ACYP2: variants seen among roughly 807,000 people sequenced by gnomAD.
ACYP2 encodes the protein acylphosphatase-2.
Under a neutral mutation model 11.2 loss-of-function variants are expected in ACYP2, and 12 were observed. The ratio of observed to expected loss-of-function variants is 1.08; its 90% confidence interval spans 0.69 to 1.74. ACYP2 has a LOEUF of 1.74. ACYP2 is among the 40% of genes most tolerant of loss of function. The pLI, the probability that ACYP2 is intolerant of heterozygous loss-of-function variation, is 0.00. For missense variants in ACYP2, 134 were observed against 101.9 expected (o/e 1.31, Z -1.35); for synonymous variants, 43 against 32.2 (o/e 1.33, Z -1.13).
Position 54,264,292 on chromosome 2 carries a change from C to CA in ACYP2, c.405-40393dup, listed in dbSNP as rs554953587. 2.6e-4 allele frequency among the ~76,000 whole-genome samples: 39 copies of CA among 152,276 alleles called. No homozygotes were observed. The South Asian group carries it at 5.0e-3, about 19-fold the overall frequency. On this transcript the variant is annotated intron_variant, in intron 6 of 6. Coordinates refer to ENST00000607452, the MANE Select transcript of ACYP2 (RefSeq NM_001320586.2). ...AGATGTGTTGTGAAGAGTGAAAGAACAAAGCTTCCACAGCGTGGAAGGCGA... is the reference window on the plus strand; with the variant it reads ...AGATGTGTTGTGAAGAGTGAAAGAACAAAAGCTTCCACAGCGTGGAAGGCGA...
At chr2:54,064,722 G>A (rs1011707474) in intron 4 of ACYP2, among the ~76,000 whole-genome samples, 2 of 152,142 alleles carry the variant, frequency 1.3e-5, no homozygotes, top group Admixed American at 6.6e-5. Flanking sequence ...AGAATGATGC[G>A]GAGGCAGTGA....
intron 6 of ACYP2, among the ~76,000 whole-genome samples, chr2:54,215,857 T>A (rs1280709924): frequency 5.3e-5 from 8 of 152,200 alleles, no homozygotes; most frequent in Admixed American, 5.2e-4. Context: ...TTAGGTCATT[T>A]AAAAACTGTC....
chr2:54,090,583 A>G (rs1395896001), intron 4 of ACYP2, among the ~76,000 whole-genome samples: 2 of 152,174 alleles, frequency 1.3e-5, no homozygotes, highest in Admixed American at 1.3e-4. Context: ...GTGAGCCAAG[A>G]TTGCACCACT....
chr2:54,285,305 A>T (rs1037797853), intron 6 of ACYP2, among the ~76,000 whole-genome samples: 1 of 152,196 alleles, frequency 6.6e-6, no homozygotes, highest in African/African-American at 2.4e-5. Flanking sequence ...CTAGGATACC[A>T]CGGTCTCCTG....
chr2:54,172,995 C>A (rs554107183), intron 6 of ACYP2, among the ~76,000 whole-genome samples: 1 of 152,086 alleles, frequency 6.6e-6, no homozygotes, highest in Non-Finnish European at 1.5e-5. Flanking sequence ...TGAATAGTGC[C>A]GCAATAAACA....
At chr2:54,013,252 AAT>A (rs202163027) in intron 2 of ACYP2, among the ~76,000 whole-genome samples, 7 of 38,700 alleles carry the variant, frequency 1.8e-4, no homozygotes, top group Non-Finnish European at 2.6e-4. Context: ...ACCACCATCT[AAT>A]ATGTGTGTGT....
intron 6 of ACYP2, among the ~76,000 whole-genome samples, chr2:54,157,037 A>G (rs1208010653): frequency 2.6e-5 from 4 of 152,168 alleles, no homozygotes; most frequent in Non-Finnish European, 5.9e-5. Flanking sequence ...CTTGAAATCT[A>G]TTTTAGTTTA....
At chr2:54,138,617 T>G (rs955002957) in intron 5 of ACYP2, 22 bp from the exon 3 acceptor site, 7 of 1,585,104 alleles carry the variant, frequency 4.4e-6, no homozygotes, top group Non-Finnish European at 6.0e-6. Flanking sequence ...CACTTTATTC[T>G]TCTTGTTTTT....
At chr2:54,058,177 G>A (rs1385391556) in intron 4 of ACYP2, among the ~76,000 whole-genome samples, 1 of 151,976 alleles carries the variant, frequency 6.6e-6, no homozygotes. Flanking sequence ...GTTAACGCAT[G>A]ATACAAGCTA....
At chr2:53,981,324 A>G (rs1180132056) in intron 2 of ACYP2, among the ~76,000 whole-genome samples, 5 of 152,054 alleles carry the variant, frequency 3.3e-5, no homozygotes, top group Non-Finnish European at 5.9e-5. Context: ...ATGAAAGTAC[A>G]CTCCACAGGG....
rs78331146 is a variant in ACYP2 at position 54,291,564 on chromosome 2, G to A, written c.405-13124G>A. Among the ~76,000 whole-genome samples, 19 of 152,282 alleles carry A rather than the reference G, an allele frequency of 1.2e-4. No homozygotes were observed. In the East Asian group the frequency reaches 3.1e-3, roughly 25 times the overall value. On this transcript the variant is annotated intron_variant, in intron 6 of 6. Coordinates refer to ENST00000607452, the MANE Select transcript of ACYP2 (RefSeq NM_001320586.2). ...AGGAGCTACATTTCCTGACTGCCTC[G>A]CAGCAAGAGTTTCAAATGTGATTTA...
At chr2:54,198,768 C>T (rs899477729) in intron 6 of ACYP2, among the ~76,000 whole-genome samples, 5 of 152,098 alleles carry the variant, frequency 3.3e-5, no homozygotes, top group African/African-American at 1.2e-4. Flanking sequence ...AGCTCATATC[C>T]AGAATCACTG....
intron 4 of ACYP2, among the ~76,000 whole-genome samples, chr2:54,110,150 C>A (rs1486709385): frequency 1.3e-5 from 2 of 152,114 alleles, no homozygotes. Flanking sequence ...ATTTTAAACA[C>A]ACACAAAATT....
intron 4 of ACYP2, among the ~76,000 whole-genome samples, chr2:54,104,334 A>T: frequency 6.6e-6 from 1 of 152,238 alleles, no homozygotes; most frequent in Non-Finnish European, 1.5e-5. Flanking sequence ...CATGAGGAAG[A>T]AGTGGAAATT....
At chr2:54,219,905 A>ATATATATTTTT (rs1288814375) in intron 6 of ACYP2, among the ~76,000 whole-genome samples, 19 of 75,974 alleles carry the variant, frequency 2.5e-4, no homozygotes, top group Non-Finnish European at 3.9e-4. Context: ...ATATATATAT[A>ATATATATTTTT]TTTTTTTTTT....
At chr2:54,300,522 G>A (rs1027461513) in intron 6 of ACYP2, among the ~76,000 whole-genome samples, 1 of 152,230 alleles carries the variant, frequency 6.6e-6, no homozygotes, top group Non-Finnish European at 1.5e-5. Context: ...ACTGTGAAGG[G>A]TCTTCCCAGT....
intron 2 of ACYP2, among the ~76,000 whole-genome samples, chr2:53,992,766 G>A (rs1038896748): frequency 2.0e-5 from 3 of 151,620 alleles, no homozygotes; most frequent in Admixed American, 2.0e-4. Flanking sequence ...AGGAGGCTGA[G>A]GTTGCAGCGA....
chr2:53,972,403 G>A (rs1483527455), intron 1 of ACYP2, among the ~76,000 whole-genome samples: 1 of 151,144 alleles, frequency 6.6e-6, no homozygotes, highest in African/African-American at 2.4e-5. Context: ...TCAGGAGATG[G>A]AGACCATCCT....
At chr2:54,267,806 A>G (rs1323645157) in intron 6 of ACYP2, among the ~76,000 whole-genome samples, 1 of 151,572 alleles carries the variant, frequency 6.6e-6, no homozygotes, top group Non-Finnish European at 1.5e-5. Context: ...GGCAACAAGC[A>G]GAGTTATTTC....
Sources: gnomAD v4.1 joint callset for allele counts (sites outside exome capture counted in the v4.1 genomes callset) on GRCh38, gnomAD v4.1.1 for gene constraint, MANE v1.5 for transcripts, NCBI Gene and HGNC (gene_info 2026-07-23, HGNC 2026-07-21) for gene names.